Variants in PLAC1 observed in about 807,000 individuals in gnomAD.
PLAC1 encodes placenta-specific protein 1.
For synonymous variants in PLAC1, 68 were observed against 62.1 expected (o/e 1.09, Z -0.44); for missense variants, 136 against 163.2 (o/e 0.83, Z 0.91).
intron 1 of PLAC1, among the ~76,000 whole-genome samples, chrX:134,751,743 G>A (rs1476061283): frequency 2.7e-5 from 3 of 111,220 alleles, no homozygotes; most frequent in African/African-American, 9.8e-5. Context: ...CCCTTCTGTT[G>A]CAAAAGCCCG....
At chrX:134,633,357 C>T (rs1304196063) in intron 1 of PLAC1, among the ~76,000 whole-genome samples, 1 of 112,207 alleles carries the variant, frequency 8.9e-6, no homozygotes, top group Non-Finnish European at 1.9e-5. Flanking sequence ...CAGCTTTGTC[C>T]TGACCTCCTG....
At chrX:134,603,291 A>ATATTTATATATATATATATATATT (rs2078100020) in intron 1 of PLAC1, among the ~76,000 whole-genome samples, 1 of 1,379 alleles carries the variant, frequency 7.3e-4, no homozygotes, top group African/African-American at 2.2e-3. Context: ...ATATATATAT[A>ATATTTATATATATATATATATATT]TATATATATA....
chrX:134,611,555 GTA>G (rs746051779), intron 1 of PLAC1, among the ~76,000 whole-genome samples: 1 of 105,470 alleles, frequency 9.5e-6, no homozygotes, highest in Non-Finnish European at 1.9e-5. Context: ...ATACACATAT[GTA>G]TATATATGCA....
At chrX:134,653,994 C>A (rs961059082) in intron 1 of PLAC1, among the ~76,000 whole-genome samples, 35 of 111,903 alleles carry the variant, frequency 3.1e-4, no homozygotes, top group African/African-American at 1.1e-3. Flanking sequence ...AAGGAGGAGT[C>A]TTATGTCCAA....
chrX:134,594,952 T>C (rs766990496), intron 2 of PLAC1, among the ~76,000 whole-genome samples: 17 of 108,002 alleles, frequency 1.6e-4, no homozygotes, highest in Non-Finnish European at 2.3e-4. Context: ...GAAGCTTAGA[T>C]TACTGACTTG....
chrX:134,568,360 G>A (rs1007656639), intron 2 of PLAC1, among the ~76,000 whole-genome samples: 1 of 112,748 alleles, frequency 8.9e-6, no homozygotes, highest in African/African-American at 3.2e-5. Context: ...CAAAAATACA[G>A]CTCTTTCTCT....
At chrX:134,703,322 T>C (rs914462482) in intron 2 of PLAC1, among the ~76,000 whole-genome samples, 1 of 111,526 alleles carries the variant, frequency 9.0e-6, no homozygotes, top group Non-Finnish European at 1.9e-5. Flanking sequence ...CATTAAAAAA[T>C]AGACTGACAA....
intron 2 of PLAC1, among the ~76,000 whole-genome samples, chrX:134,733,057 C>T (rs1445064505): frequency 9.0e-6 from 1 of 111,605 alleles, no homozygotes; most frequent in East Asian, 2.8e-4. Flanking sequence ...TGCCATGGTA[C>T]ACACACTCAC....
chrX:134,731,266 T>C (rs1201587434), intron 2 of PLAC1, among the ~76,000 whole-genome samples: 1 of 112,093 alleles, frequency 8.9e-6, no homozygotes, highest in Admixed American at 9.5e-5. Flanking sequence ...TGTATCTCTA[T>C]AAAATGGGGA....
At chrX:134,736,269 C>T (rs1288951030) in intron 1 of PLAC1, among the ~76,000 whole-genome samples, 2 of 109,259 alleles carry the variant, frequency 1.8e-5, no homozygotes, top group African/African-American at 6.6e-5. Flanking sequence ...CAAAGCGAGA[C>T]TCCATTTCAA....
intron 1 of PLAC1, among the ~76,000 whole-genome samples, chrX:134,622,178 G>A (rs1012409436): frequency 9.0e-6 from 1 of 111,688 alleles, no homozygotes; most frequent in African/African-American, 3.3e-5. Flanking sequence ...AAATGGTGCC[G>A]AGACAGCCAC....
chrX:134,633,916 G>A (rs147445590), intron 1 of PLAC1, among the ~76,000 whole-genome samples: 1,428 of 111,784 alleles, frequency 0.013, 23 homozygotes, highest in African/African-American at 0.044. Context: ...AGGGGAAAGG[G>A]AAGTAGTGGA....
intron 2 of PLAC1, among the ~76,000 whole-genome samples, chrX:134,684,411 T>TA (rs10606569): frequency 0.093 from 7,474 of 80,638 alleles, 510 homozygotes; most frequent in Admixed American, 0.28. Flanking sequence ...GCTCTGCCAC[T>TA]AAAAAAAAAA....
intron 1 of PLAC1, chrX:134,607,546 G>A (rs961629330): frequency 2.3e-5 from 4 of 173,558 alleles, no homozygotes; most frequent in Non-Finnish European, 3.4e-5. Context: ...GCACCAGCCC[G>A]CTCCACCCAG....
intron 1 of PLAC1, among the ~76,000 whole-genome samples, chrX:134,636,534 A>C (rs891303192): frequency 1.8e-5 from 2 of 112,408 alleles, no homozygotes. Context: ...TTGAAGCCAA[A>C]TGCTGATGAG....
chrX:134,616,275 C>G (rs1455807937), intron 1 of PLAC1, among the ~76,000 whole-genome samples: 1 of 111,744 alleles, frequency 8.9e-6, no homozygotes, highest in East Asian at 2.8e-4. Context: ...AGCCACTGGA[C>G]CACCTGCCTG....
chrX:134,643,893 T>C (rs1375995383), intron 1 of PLAC1, among the ~76,000 whole-genome samples: 2 of 107,136 alleles, frequency 1.9e-5, no homozygotes, highest in East Asian at 2.8e-4. Context: ...GCAAGTTACT[T>C]AGCTTTTCTA....
chrX:134,722,754 G>A (rs1032623867), intron 2 of PLAC1, among the ~76,000 whole-genome samples: 3 of 112,011 alleles, frequency 2.7e-5, no homozygotes, highest in African/African-American at 9.7e-5. Flanking sequence ...TAGCCCAGAT[G>A]TTTATGGAAT....
chrX:134,598,802 G>T (rs1188264092), intron 2 of PLAC1, among the ~76,000 whole-genome samples: 2 of 111,757 alleles, frequency 1.8e-5, no homozygotes, highest in Non-Finnish European at 3.8e-5. Context: ...CTTTGGTTCA[G>T]ATCCTGGGTG....
Sources: allele counts gnomAD v4.1 joint callset (sites outside exome capture counted in the v4.1 genomes callset), GRCh38; gene constraint gnomAD v4.1.1; transcripts MANE v1.5; gene names NCBI Gene and HGNC (gene_info 2026-07-23, HGNC 2026-07-21).